COLGALT2: variants seen among roughly 807,000 people sequenced by gnomAD.
COLGALT2 encodes procollagen galactosyltransferase 2.
A neutral mutation model predicts 73.4 loss-of-function variants in COLGALT2; 49 were observed. The observed-to-expected ratio is 0.67, with a 90% confidence interval of 0.53 to 0.85. The LOEUF is 0.85. Ranked by LOEUF, COLGALT2 falls within the 40% of genes least tolerant of loss-of-function variation. The pLI, the probability that COLGALT2 is intolerant of heterozygous loss-of-function variation, is 0.00. For missense variants in COLGALT2, 722 were observed against 790.2 expected (o/e 0.91, Z 1.03); for synonymous variants, 295 against 307.6 (o/e 0.96, Z 0.43).
At chr1:184,032,451 T>C (rs1263337209) in intron 1 of COLGALT2, among the ~76,000 whole-genome samples, 1 of 152,216 alleles carries the variant, frequency 6.6e-6, no homozygotes, top group Non-Finnish European at 1.5e-5. Flanking sequence ...TATTTGAAGA[T>C]AAGGCAGCTA....
At chr1:184,027,305 G>A (rs1245547966) in intron 1 of COLGALT2, among the ~76,000 whole-genome samples, 1 of 152,100 alleles carries the variant, frequency 6.6e-6, no homozygotes, top group African/African-American at 2.4e-5. Flanking sequence ...TGCATACATA[G>A]CCTTCTAGGA....
rs74953478 is a variant in COLGALT2 at position 183,993,362 on chromosome 1, G to A, written c.264-14842C>T. ...ACCCAGGAAATATCTGGCCAGGACA[G>A]AGGTTCAAGCAAATATAATTGTGGT... On this transcript the variant is annotated intron_variant, in intron 1 of 11. Transcript: ENST00000361927. Among the ~76,000 whole-genome samples, 273 of 152,358 alleles carry A rather than the reference G, an allele frequency of 1.8e-3. 9 individuals carry two copies. In the East Asian group the frequency reaches 0.05, roughly 28 times the overall value.
At chr1:184,017,921 G>T (rs1649058108) in intron 1 of COLGALT2, among the ~76,000 whole-genome samples, 1 of 152,150 alleles carries the variant, frequency 6.6e-6, no homozygotes, top group Non-Finnish European at 1.5e-5. Context: ...AGCTCGGAAT[G>T]AGTTAATTCA....
At position 184,037,391 on chromosome 1, in the gene COLGALT2, G is replaced by T; in HGVS notation, c.-34C>A. 3 of 1,350,332 alleles carry T rather than the reference G, an allele frequency of 2.2e-6. No individual in the cohort carries two copies. Among genetic ancestry groups the T allele is most frequent in the Non-Finnish European group, 2.8e-6 (3 of 1,053,456 alleles). 83.6% of individuals were successfully genotyped at this position (1,350,332 alleles called of 1,614,324 possible). A position where few individuals can be genotyped will look rare whatever the true frequency, so the allele number is the denominator to read the frequency against. On this transcript the variant is annotated 5_prime_UTR_variant, in exon 1 of 12. Coordinates refer to ENST00000361927, the MANE Select transcript of COLGALT2 (RefSeq NM_015101.4). ...CCGAGGCGGGCGGCGGGGAAGTCCT[G>T]GCGCGAGCGCCCGGCTGGGCTGCCT...
Position 184,037,350 on chromosome 1 carries a change from G to A in COLGALT2, c.8C>T (p.Ala3Val), listed in dbSNP as rs1259438301. 8 of 1,481,822 alleles carry A rather than the reference G, an allele frequency of 5.4e-6. No homozygotes were observed. The East Asian group carries it at 1.5e-4, about 27-fold the overall frequency. 91.8% of individuals were successfully genotyped at this position (1,481,822 alleles called of 1,614,324 possible). MA[A>V]RPAATLAWSL... is the part of the protein sequence containing the mutation. Reference sequence around the variant, plus strand: ...CCAGGCGAGGGTGGCAGCAGGGCGCGCAGCCATGTTCCGGGCCGAGGCGGG... The same window carrying A: ...CCAGGCGAGGGTGGCAGCAGGGCGCACAGCCATGTTCCGGGCCGAGGCGGG... Residue 3 changes from alanine to valine, a missense_variant, in exon 1 of 12, where the codon GCG (alanine) becomes GTG (valine). Physicochemically the swap from Ala to Val is moderately conservative, Grantham distance 64. Coordinates refer to ENST00000361927, the MANE Select transcript of COLGALT2 (RefSeq NM_015101.4).
At chr1:183,998,053 T>C (rs4651161) in intron 1 of COLGALT2, among the ~76,000 whole-genome samples, 109,099 of 152,098 alleles carry the variant, frequency 0.72, 40,575 homozygotes, top group African/African-American at 0.92. Flanking sequence ...TAGGTCTGAA[T>C]ATGTTCAACT....
intron 1 of COLGALT2, among the ~76,000 whole-genome samples, chr1:184,030,096 C>G (rs1344666789): frequency 6.6e-6 from 1 of 152,060 alleles, no homozygotes; most frequent in Non-Finnish European, 1.5e-5. Flanking sequence ...TTTTTTATTA[C>G]TTTCCCATTT....
At chr1:184,030,058 T>G (rs1045810627) in intron 1 of COLGALT2, among the ~76,000 whole-genome samples, 1 of 152,240 alleles carries the variant, frequency 6.6e-6, no homozygotes, top group African/African-American at 2.4e-5. Context: ...ATGGGAGATT[T>G]ACTTTTTGTG....
intron 1 of COLGALT2, among the ~76,000 whole-genome samples, chr1:184,023,962 T>C (rs1333098102): frequency 6.6e-6 from 1 of 152,142 alleles, no homozygotes; most frequent in Non-Finnish European, 1.5e-5. Flanking sequence ...TTTATATAGA[T>C]ATGAATCATC....
At chr1:183,956,802 G>T (rs185075994) in intron 6 of COLGALT2, among the ~76,000 whole-genome samples, 5 of 152,318 alleles carry the variant, frequency 3.3e-5, no homozygotes, top group African/African-American at 9.6e-5. Context: ...TATCAGAGAA[G>T]TGTGCTTGGG....
chr1:183,979,256 C>T (rs1671286267), intron 1 of COLGALT2, among the ~76,000 whole-genome samples: 1 of 151,864 alleles, frequency 6.6e-6, no homozygotes, highest in South Asian at 2.1e-4. Context: ...AAAGCAAAAC[C>T]CAACACATGT....
intron 1 of COLGALT2, among the ~76,000 whole-genome samples, chr1:184,012,220 G>T (rs1648824993): frequency 6.6e-6 from 1 of 152,096 alleles, no homozygotes; most frequent in South Asian, 2.1e-4. Flanking sequence ...AATCTTATAA[G>T]CCTTTTTGTG....
intron 7 of COLGALT2, among the ~76,000 whole-genome samples, chr1:183,951,862 AC>A (rs1670411291): frequency 6.6e-6 from 1 of 152,350 alleles, no homozygotes; most frequent in African/African-American, 2.4e-5. Flanking sequence ...TTTTCATGGA[AC>A]CACAAAAGAC....
intron 2 of COLGALT2, 58 bp from the exon 3 acceptor site, chr1:183,975,272 C>G: frequency 9.5e-7 from 1 of 1,051,890 alleles, no homozygotes; most frequent in Non-Finnish European, 1.4e-6. Context: ...AGGCTCTGTC[C>G]TAAATGTTTA....
chr1:184,009,059 A>G (rs1405829959), intron 1 of COLGALT2, among the ~76,000 whole-genome samples: 1 of 152,222 alleles, frequency 6.6e-6, no homozygotes, highest in Non-Finnish European at 1.5e-5. Context: ...ACTTATTTGT[A>G]AGGTTGTAGT....
chr1:184,015,723 G>A (rs1648975900), intron 1 of COLGALT2, among the ~76,000 whole-genome samples: 1 of 152,176 alleles, frequency 6.6e-6, no homozygotes, highest in African/African-American at 2.4e-5. Context: ...AAGGAACTGT[G>A]GGGCTGATGT....
At chr1:184,016,086 G>T (rs1369422627) in intron 1 of COLGALT2, among the ~76,000 whole-genome samples, 1 of 152,156 alleles carries the variant, frequency 6.6e-6, no homozygotes, top group Admixed American at 6.5e-5. Context: ...AATAAAATGT[G>T]ACAGAATGAG....
At chr1:183,976,508 A>T (rs3010046) in intron 2 of COLGALT2, among the ~76,000 whole-genome samples, 1 of 151,678 alleles carries the variant, frequency 6.6e-6, no homozygotes, top group Non-Finnish European at 1.5e-5. Flanking sequence ...TGGGGAAGAA[A>T]TTCAGGCAAC....
At chr1:183,996,635 G>A (rs2102834769) in intron 1 of COLGALT2, among the ~76,000 whole-genome samples, 1 of 152,360 alleles carries the variant, frequency 6.6e-6, no homozygotes, top group East Asian at 1.9e-4. Flanking sequence ...GTGAGGACCT[G>A]TCAGCTGACA....
Sources: allele counts gnomAD v4.1 joint callset (sites outside exome capture counted in the v4.1 genomes callset), GRCh38; gene constraint gnomAD v4.1.1; transcripts MANE v1.5; gene names NCBI Gene and HGNC (gene_info 2026-07-23, HGNC 2026-07-21).